CSMD1: variants seen among roughly 807,000 people sequenced by gnomAD.
CSMD1 encodes the protein CUB and sushi domain-containing protein 1.
A neutral mutation model predicts 417.5 loss-of-function variants in CSMD1; 213 were observed. The observed-to-expected ratio is 0.51, with a 90% CI of 0.46 to 0.57. CSMD1 has a LOEUF of 0.57. Among genes scored for constraint, CSMD1 ranks in the 20% least tolerant of loss-of-function variants. The pLI, the probability that CSMD1 is intolerant of heterozygous loss-of-function variation, is 0.00. For missense variants in CSMD1, 6,923 were observed against 4,529.7 expected, an observed-to-expected ratio of 1.53 and a Z score of -15.17; for synonymous variants, 2,862 against 1,736.8, an observed-to-expected ratio of 1.65 and a Z score of -16.11.
intron 3 of CSMD1, among the ~76,000 whole-genome samples, chr8:4,330,004 TCCTGTACAGCATGCAGA>T (rs1799778181): frequency 1.3e-5 from 2 of 152,122 alleles, no homozygotes; most frequent in Non-Finnish European, 2.9e-5. Flanking sequence ...GCACCATGCT[TCCTGTACAGCATGCAGA>T]ACTGTGAGCC....
At chr8:4,031,412 C>G (rs1467114692) in intron 4 of CSMD1, among the ~76,000 whole-genome samples, 1 of 152,174 alleles carries the variant, frequency 6.6e-6, no homozygotes, top group African/African-American at 2.4e-5. Flanking sequence ...AGGGGAACTC[C>G]TCTTTTTAAA....
At chr8:4,987,357 C>T (rs537625292) in intron 1 of CSMD1, among the ~76,000 whole-genome samples, 19 of 152,236 alleles carry the variant, frequency 1.2e-4, no homozygotes, top group African/African-American at 3.6e-4. Context: ...CGGTGACAGG[C>T]GTGTTCAGTA....
At chr8:4,614,212 C>T (rs964013692) in intron 2 of CSMD1, among the ~76,000 whole-genome samples, 1 of 152,130 alleles carries the variant, frequency 6.6e-6, no homozygotes, top group Admixed American at 6.5e-5. Context: ...TGGGGGCCAG[C>T]AAAGCAAACT....
At chr8:3,871,642 C>A (rs1412618918) in intron 5 of CSMD1, among the ~76,000 whole-genome samples, 1 of 152,064 alleles carries the variant, frequency 6.6e-6, no homozygotes, top group East Asian at 1.9e-4. Context: ...TCTCACTTTA[C>A]CATTAGTCTC....
At chr8:3,306,230 T>C (rs1188377729) in intron 25 of CSMD1, among the ~76,000 whole-genome samples, 1 of 152,228 alleles carries the variant, frequency 6.6e-6, no homozygotes, top group African/African-American at 2.4e-5. Flanking sequence ...GTGGCTTTTC[T>C]GAATAAGGAC....
intron 3 of CSMD1, among the ~76,000 whole-genome samples, chr8:4,313,146 G>A (rs965422914): frequency 6.6e-6 from 1 of 152,120 alleles, no homozygotes; most frequent in Admixed American, 6.5e-5. Flanking sequence ...GAGCAAGCTG[G>A]AACTGGTCTT....
chr8:4,323,985 T>A (rs1259264838), intron 3 of CSMD1, among the ~76,000 whole-genome samples: 1 of 152,178 alleles, frequency 6.6e-6, no homozygotes, highest in Admixed American at 6.5e-5. Context: ...CCTCAAGGAC[T>A]TCACTGTGAT....
chr8:3,085,751 T>C (rs1585311066), intron 49 of CSMD1, among the ~76,000 whole-genome samples: 1 of 152,322 alleles, frequency 6.6e-6, no homozygotes, highest in East Asian at 1.9e-4. Context: ...AACCATTCAC[T>C]GAAAGGGTAA....
chr8:3,648,053 T>C (rs7003067), intron 7 of CSMD1, among the ~76,000 whole-genome samples: 9,451 of 152,276 alleles, frequency 0.062, 354 homozygotes, highest in Non-Finnish European at 0.092. Context: ...ACCTGCATGG[T>C]TGGAGATGGA....
intron 25 of CSMD1, among the ~76,000 whole-genome samples, chr8:3,307,361 C>T (rs1804954266): frequency 6.6e-6 from 1 of 152,060 alleles, no homozygotes; most frequent in Non-Finnish European, 1.5e-5. Flanking sequence ...GACTGCTCAT[C>T]CCCAGGCAGT....
intron 5 of CSMD1, among the ~76,000 whole-genome samples, chr8:3,774,465 C>T (rs993652797): frequency 6.6e-6 from 1 of 152,114 alleles, no homozygotes; most frequent in Admixed American, 6.6e-5. Context: ...TGCTTTGTTG[C>T]CTGGCTCATA....
At position 4,776,201 on chromosome 8, in the gene CSMD1, C is replaced by T. The variant is rs559217704; in HGVS notation, c.86-138643G>A. 2.6e-5 allele frequency among the ~76,000 whole-genome samples: 4 copies of T among 152,144 alleles called. No individual in the cohort carries two copies. The East Asian group carries it at 7.7e-4, about 29-fold the overall frequency. On this transcript the variant is annotated intron_variant, in intron 1 of 69. Transcript: ENST00000635120. ...TTAGAAGAGAGCCTGTTCCCATGGTCACTCTAGGAAGTATTTTCACAAAGG... is the reference window on the plus strand; with the variant it reads ...TTAGAAGAGAGCCTGTTCCCATGGTTACTCTAGGAAGTATTTTCACAAAGG...
At chr8:4,701,527 A>T (rs1034514733) in intron 1 of CSMD1, among the ~76,000 whole-genome samples, 1 of 152,004 alleles carries the variant, frequency 6.6e-6, no homozygotes, top group East Asian at 1.9e-4. Flanking sequence ...ACTGGGAAGC[A>T]TCAATGGTGG....
chr8:4,040,950 T>C (rs1797854592), intron 3 of CSMD1, among the ~76,000 whole-genome samples: 1 of 152,108 alleles, frequency 6.6e-6, no homozygotes, highest in Non-Finnish European at 1.5e-5. Context: ...CTTATGGTCT[T>C]ACATTTTGAC....
At position 4,002,771 on chromosome 8, in the gene CSMD1, T is replaced by C. The variant is rs569131426; in HGVS notation, c.611-4661A>G. ...AAGAGACATTATTTAACAAAGTATA[T>C]TGGAAGAACTGAATAGAAAGTTTTA... On this transcript the variant is annotated intron_variant, in intron 4 of 69. Coordinates refer to ENST00000635120, the MANE Select transcript of CSMD1 (RefSeq NM_033225.6). 5.9e-5 allele frequency among the ~76,000 whole-genome samples: 9 copies of C among 152,270 alleles called. 1 individual carries two copies. The South Asian group carries it at 8.3e-4, about 14-fold the overall frequency.
At chr8:3,414,493 A>G (rs558720636) in intron 12 of CSMD1, among the ~76,000 whole-genome samples, 5 of 152,144 alleles carry the variant, frequency 3.3e-5, no homozygotes, top group African/African-American at 9.6e-5. Context: ...ATCATTTGCC[A>G]TCATTGACGC....
At chr8:4,410,641 G>A (rs1021717757) in intron 3 of CSMD1, among the ~76,000 whole-genome samples, 1 of 152,090 alleles carries the variant, frequency 6.6e-6, no homozygotes, top group Non-Finnish European at 1.5e-5. Flanking sequence ...GTATATGCAT[G>A]TAAACATGGA....
intron 3 of CSMD1, among the ~76,000 whole-genome samples, chr8:4,170,456 A>C (rs146674561): frequency 2.1e-4 from 32 of 151,986 alleles, no homozygotes; most frequent in African/African-American, 6.8e-4. Flanking sequence ...CCTTTTTCCT[A>C]ATCTATAGGT....
intron 4 of CSMD1, among the ~76,000 whole-genome samples, chr8:4,011,049 C>A (rs557443966): frequency 1.3e-5 from 2 of 152,278 alleles, no homozygotes; most frequent in South Asian, 4.1e-4. Flanking sequence ...GCATCTCTTG[C>A]CAAATCCTCA....
Sources: allele counts gnomAD v4.1 joint callset (sites outside exome capture counted in the v4.1 genomes callset), GRCh38; gene constraint gnomAD v4.1.1; transcripts MANE v1.5; gene names NCBI Gene and HGNC (gene_info 2026-07-23, HGNC 2026-07-21).